Variants in CCT6A observed in about 807,000 individuals in gnomAD.
The protein encoded by CCT6A is T-complex protein 1 subunit zeta.
CCT6A carries 6 observed loss-of-function variants against 58.6 expected under a neutral mutation model. That is an observed-to-expected ratio of 0.10 (90% CI 0.06 to 0.20). CCT6A has a LOEUF of 0.20. CCT6A is among the 10% of genes least tolerant of loss of function. The probability of loss-of-function intolerance (pLI) is 1.00; values close to 1 mark genes in which losing one functional copy is unlikely to be tolerated. For missense variants in CCT6A, 516 were observed against 648.8 expected (o/e 0.80, Z 2.22); for synonymous variants, 245 against 227.8 (o/e 1.08, Z -0.68).
chr7:56,062,412 T>G (rs1320785436), intron 12 of CCT6A, among the ~76,000 whole-genome samples: 1 of 152,234 alleles, frequency 6.6e-6, no homozygotes, highest in Admixed American at 6.5e-5. Flanking sequence ...TTTAGTCAGA[T>G]TATAGTTGAA....
chr7:56,054,288 A>G, intron 2 of CCT6A, 81 bp from the exon 3 acceptor site: 2 of 1,199,766 alleles, frequency 1.7e-6, no homozygotes, highest in Non-Finnish European at 2.4e-6. Flanking sequence ...GCACTCAAAG[A>G]GGCCCTTCCT....
At chr7:56,058,144 G>A (rs1212105661) in intron 6 of CCT6A, 41 bp downstream of exon 6, 5 of 1,184,392 alleles carry the variant, frequency 4.2e-6, no homozygotes, top group South Asian at 1.2e-5. Flanking sequence ...GAGAAGCTTC[G>A]TATTTTAGGC....
At chr7:56,061,699 TCA>T in intron 11 of CCT6A, 46 bp from the exon 12 acceptor site, 1 of 519,810 alleles carries the variant, frequency 1.9e-6, no homozygotes, top group Non-Finnish European at 3.4e-6. Context: ...TTTTTTACTA[TCA>T]GTTATTAGTT....
chr7:56,058,163 T>C, intron 6 of CCT6A, 60 bp downstream of exon 6: 1 of 1,102,296 alleles, frequency 9.1e-7, no homozygotes, highest in South Asian at 1.3e-5. Context: ...GCGAGTTACT[T>C]TTTTGTGAAA....
In CCT6A at chr7:56,062,428, A is replaced by G. The variant is rs547178253; in HGVS notation, c.1451-255A>G. Among the ~76,000 whole-genome samples the G allele has an allele frequency of 5.3e-5, 8 of 152,370 alleles. No homozygotes were observed. The South Asian group carries it at 8.3e-4, about 16-fold the overall frequency. ...TTAGTCAGATTATAGTTGAAGTGCTATACTTCAGTATGAGTAAACAGAAAT... is the reference window on the plus strand; with the variant it reads ...TTAGTCAGATTATAGTTGAAGTGCTGTACTTCAGTATGAGTAAACAGAAAT... On this transcript the variant is annotated intron_variant, in intron 12 of 13. Transcript: ENST00000275603.
intron 8 of CCT6A, 22 bp downstream of exon 8, chr7:56,058,724 T>C (rs781356590): frequency 6.4e-6 from 9 of 1,411,330 alleles, no homozygotes; most frequent in Non-Finnish European, 7.9e-6. Flanking sequence ...ATTTGACTTT[T>C]ACTCATTTTG....
At chr7:56,057,822 G>A (rs955065195) in intron 5 of CCT6A, among the ~76,000 whole-genome samples, 171 bp from the exon 6 acceptor site, 3 of 152,112 alleles carry the variant, frequency 2.0e-5, no homozygotes, top group African/African-American at 7.2e-5. Flanking sequence ...TGGAGCTTGC[G>A]GTGAGCCAAG....
At chr7:56,054,943 A>G (rs1287088009) in intron 3 of CCT6A, among the ~76,000 whole-genome samples, 1 of 152,208 alleles carries the variant, frequency 6.6e-6, no homozygotes, top group East Asian at 1.9e-4. Context: ...TATTTTTATT[A>G]GTAAATGATG....
intron 2 of CCT6A, among the ~76,000 whole-genome samples, chr7:56,053,780 G>C (rs1421980441): frequency 2.0e-5 from 3 of 152,010 alleles, no homozygotes; most frequent in East Asian, 1.9e-4. Flanking sequence ...AAATTATTTG[G>C]GTTTTAGTGT....
chr7:56,063,066 T>C lies in CCT6A; in HGVS notation c.1577T>C (p.Met526Thr). ...GTTGATGAGATCATGCGAGCTGGAA[T>C]GTCTTCTCTGAAAGGTTGAATTGAA... ...LLVDEIMRAG[M>T]SSLKG The change falls in exon 14 of 14, where the codon ATG becomes ACG. Residue 526 changes from methionine (M) to threonine (T), a missense_variant. This residue lies in a region of CCT6A where 315 missense variants were observed against 389.4 expected (regional missense o/e 0.81). Transcript: ENST00000275603. 1.2e-6 allele frequency: 2 copies of C among 1,610,682 alleles called. No homozygotes were observed. Among genetic ancestry groups the C allele is most frequent in the South Asian group, 2.2e-5 (2 of 91,018 alleles).
intron 5 of CCT6A, 34 bp downstream of exon 5, chr7:56,056,448 C>A: frequency 2.9e-6 from 3 of 1,019,874 alleles, no homozygotes; most frequent in Non-Finnish European, 3.1e-6. Context: ...TACTAATGGG[C>A]ATGGAGGCTC....
rs781331357 is a variant in CCT6A, at chr7:56,054,541, T to C, written c.336+38T>C. The C allele has an allele frequency of 3.2e-6, 5 of 1,586,794 alleles. No individual in the cohort carries two copies. In the South Asian group the frequency reaches 3.4e-5, roughly 11 times the overall value. On this transcript the variant is annotated intron_variant, in intron 3 of 13. Coordinates refer to ENST00000275603, the MANE Select transcript of CCT6A (RefSeq NM_001762.4). ...CTTGTTTCTGTAATTTTTTTTTGTA[T>C]ATAGGAAGTGTCTGATATTTATACA...
intron 5 of CCT6A, among the ~76,000 whole-genome samples, chr7:56,056,723 A>T (rs1794315095): frequency 6.6e-6 from 1 of 151,414 alleles, no homozygotes; most frequent in Non-Finnish European, 1.5e-5. Flanking sequence ...ACCCCGTCCC[A>T]TTAAAAAAAA....
chr7:56,060,179 A>C (rs1439292960), intron 9 of CCT6A, 90 bp from the exon 10 acceptor site: 1 of 1,088,722 alleles, frequency 9.2e-7, no homozygotes. Context: ...TTCCTTATTA[A>C]TATGCTACTT....
At chr7:56,052,270 G>C in intron 1 of CCT6A, 152 bp from the exon 2 acceptor site, 2 of 705,938 alleles carry the variant, frequency 2.8e-6, no homozygotes, top group Non-Finnish European at 4.8e-6. Context: ...CTGCGGGGAC[G>C]GGGTGGGCAC....
intron 12 of CCT6A, chr7:56,062,067 G>A (rs1442974983): frequency 5.0e-6 from 2 of 403,202 alleles, no homozygotes; most frequent in African/African-American, 4.2e-5. Flanking sequence ...TACAATTTTG[G>A]AGATGTTGAG....
intron 11 of CCT6A, 135 bp from the exon 12 acceptor site, chr7:56,061,612 C>T (rs1355964650): frequency 1.9e-6 from 1 of 516,074 alleles, no homozygotes; most frequent in South Asian, 2.3e-5. Context: ...CTCCCAAAGT[C>T]CTGGGATTAC....
At chr7:56,055,312 C>T in intron 3 of CCT6A, 1 of 363,752 alleles carries the variant, frequency 2.7e-6, no homozygotes, top group East Asian at 5.7e-5. Flanking sequence ...GATAATGCTA[C>T]CATCTGTGAG....
At chr7:56,055,242 C>G in intron 3 of CCT6A, 3 of 261,008 alleles carry the variant, frequency 1.1e-5, no homozygotes, top group East Asian at 1.8e-4. Context: ...CCATTGTACT[C>G]CAGCCTGGGT....
Sources: gnomAD v4.1 joint callset for allele counts (sites outside exome capture counted in the v4.1 genomes callset) on GRCh38, gnomAD v4.1.1 for gene constraint, gnomAD v4.1.1 regional missense constraint, MANE v1.5 for transcripts, NCBI Gene and HGNC (gene_info 2026-07-23, HGNC 2026-07-21) for gene names.